SEL1L3: variants seen among roughly 807,000 people sequenced by gnomAD.
The protein encoded by SEL1L3 is SEL1L family member 3, also known as protein sel-1 homolog 3.
SEL1L3 carries 76 observed loss-of-function variants against 142.8 expected under a neutral mutation model. That is an observed-to-expected ratio of 0.53 (90% confidence interval 0.44 to 0.64). The LOEUF (loss-of-function observed/expected upper bound fraction) is 0.64. Ranked by LOEUF, SEL1L3 falls within the 30% of genes least tolerant of loss-of-function variation. The probability of loss-of-function intolerance (pLI) is 0.00; values close to 1 mark genes in which losing one functional copy is unlikely to be tolerated. For missense variants in SEL1L3, 1,262 were observed against 1,381.7 expected (o/e 0.91, Z 1.37); for synonymous variants, 504 against 519.6 (o/e 0.97, Z 0.41).
chr4:25,736,149 G>T, the SEL1L3 span, among the ~76,000 whole-genome samples: 1 of 149,512 alleles, frequency 6.7e-6, no homozygotes, highest in Non-Finnish European at 1.5e-5. Context: ...AACTATTCTA[G>T]CTGTTTTATT....
the SEL1L3 span, chr4:25,718,455 A>G: frequency 6.6e-6 from 1 of 152,170 alleles, no homozygotes; most frequent in Admixed American, 6.5e-5. Flanking sequence ...CATAGTTTGA[A>G]TTTGCTAGGC....
At chr4:25,790,229 G>T (rs1295419128) in intron 12 of SEL1L3, among the ~76,000 whole-genome samples, 1 of 152,190 alleles carries the variant, frequency 6.6e-6, no homozygotes, top group Non-Finnish European at 1.5e-5. Flanking sequence ...AGGCGCTATG[G>T]CCATGGCCCG....
intron 9 of SEL1L3, among the ~76,000 whole-genome samples, chr4:25,809,994 G>T (rs941070990): frequency 1.3e-5 from 2 of 152,286 alleles, no homozygotes; most frequent in Admixed American, 1.3e-4. Flanking sequence ...TATTGTGTGG[G>T]GACACCTCTG....
chr4:25,808,385 A>G (rs889797015), intron 9 of SEL1L3, among the ~76,000 whole-genome samples: 1 of 152,082 alleles, frequency 6.6e-6, no homozygotes. Flanking sequence ...CCTTTTTCAC[A>G]GTAATATCAT....
intron 1 of SEL1L3, 87 bp from the exon 2 acceptor site, chr4:25,847,951 T>TA (rs1453598936): frequency 6.1e-6 from 5 of 820,306 alleles, no homozygotes; most frequent in South Asian, 3.9e-5. Flanking sequence ...TTTCCTGGGA[T>TA]AAAAAAATAT....
At chr4:25,835,407 T>C (rs1715754250) in intron 2 of SEL1L3, 84 bp from the exon 3 acceptor site, 4 of 1,470,194 alleles carry the variant, frequency 2.7e-6, no homozygotes, top group Non-Finnish European at 3.7e-6. Context: ...AAGCCTCTGC[T>C]GAGCTCCAAT....
At chr4:25,759,870 TA>T (rs1380591295) in intron 20 of SEL1L3, 1 of 152,226 alleles carries the variant, frequency 6.6e-6, no homozygotes, top group Non-Finnish European at 1.5e-5. Flanking sequence ...CTTGACCAAT[TA>T]AACTGGATTG....
chr4:25,726,320 G>T, the SEL1L3 span, among the ~76,000 whole-genome samples: 1 of 151,890 alleles, frequency 6.6e-6, no homozygotes, highest in African/African-American at 2.4e-5. Flanking sequence ...ACGAGGTCAG[G>T]AGTTCAAGAC....
intron 19 of SEL1L3, 139 bp downstream of exon 19, chr4:25,767,386 T>A (rs1210684389): frequency 6.3e-6 from 4 of 635,812 alleles, no homozygotes; most frequent in Non-Finnish European, 8.5e-6. Flanking sequence ...AGTTTAGCGA[T>A]CTTAATAGCA....
chr4:25,792,882 T>C (rs1232793509), intron 11 of SEL1L3, among the ~76,000 whole-genome samples: 1 of 152,216 alleles, frequency 6.6e-6, no homozygotes, highest in Non-Finnish European at 1.5e-5. Context: ...GTTTTTCTTT[T>C]TCTCCTTGTT....
At chr4:25,717,591 G>T in the SEL1L3 span, among the ~76,000 whole-genome samples, 1 of 152,208 alleles carries the variant, frequency 6.6e-6, no homozygotes, top group East Asian at 1.9e-4. Context: ...ACTTGAACCC[G>T]GGAGGTGGAG....
chr4:25,792,437 A>T (rs1374343878), intron 11 of SEL1L3, among the ~76,000 whole-genome samples: 1 of 152,198 alleles, frequency 6.6e-6, no homozygotes, highest in East Asian at 1.9e-4. Context: ...AGACCACTCT[A>T]TCTGGTCCAC....
At chr4:25,761,177 G>A (rs1031219122) in intron 20 of SEL1L3, among the ~76,000 whole-genome samples, 1 of 152,104 alleles carries the variant, frequency 6.6e-6, no homozygotes, top group African/African-American at 2.4e-5. Flanking sequence ...GAAAAAAATG[G>A]CTTTATGATT....
At chr4:25,802,098 C>A (rs1411893626) in intron 11 of SEL1L3, among the ~76,000 whole-genome samples, 185 bp downstream of exon 11, 1 of 152,188 alleles carries the variant, frequency 6.6e-6, no homozygotes, top group Non-Finnish European at 1.5e-5. Context: ...TGTAGGGCTG[C>A]CCCTGCATTC....
intron 23 of SEL1L3, chr4:25,756,586 A>C: frequency 1.1e-6 from 1 of 938,282 alleles, no homozygotes; most frequent in Non-Finnish European, 1.3e-6. Context: ...AGGTTAAATA[A>C]CTTGCCATGA....
At chr4:25,727,138 C>T in the SEL1L3 span, among the ~76,000 whole-genome samples, 2 of 151,868 alleles carry the variant, frequency 1.3e-5, no homozygotes, top group Admixed American at 6.6e-5. Flanking sequence ...CTGCAACCTC[C>T]GCCTCCCGGG....
chr4:25,748,379 T>C lies in SEL1L3; in HGVS notation c.*46A>G, dbSNP rs1717374176. The C allele has an allele frequency of 2.6e-6, 4 of 1,556,402 alleles. No individual in the cohort carries two copies. The Admixed American group carries it at 5.7e-5, about 22-fold the overall frequency. ...CTGGCCCCAGCTTCCCAATACCAGC[T>C]GTTGAAAAGATTCTCTCTCATCTGG... On this transcript the variant is annotated 3_prime_UTR_variant, in exon 24 of 24. Transcript: ENST00000399878.
chr4:25,799,725 T>G (rs1483597471), intron 11 of SEL1L3, among the ~76,000 whole-genome samples: 1 of 152,218 alleles, frequency 6.6e-6, no homozygotes. Context: ...TCGTGCCATC[T>G]GCTGAGGTGT....
At chr4:25,797,920 C>G (rs1190720001) in intron 11 of SEL1L3, among the ~76,000 whole-genome samples, 1 of 152,078 alleles carries the variant, frequency 6.6e-6, no homozygotes, top group Admixed American at 6.6e-5. Context: ...GACGGTGGCA[C>G]AGCAAGGAGA....
Sources: allele counts gnomAD v4.1 joint callset (sites outside exome capture counted in the v4.1 genomes callset), GRCh38; gene constraint gnomAD v4.1.1; transcripts MANE v1.5; gene names NCBI Gene and HGNC (gene_info 2026-07-23, HGNC 2026-07-21).